The following ASTN2 variants were observed in gnomAD, a reference collection of about 807,000 sequenced individuals.
ASTN2 encodes astrotactin 2, also known as astrotactin-2.
A neutral mutation model predicts 139.8 loss-of-function variants in ASTN2; 54 were observed. The ratio of observed to expected loss-of-function variants is 0.39; its 90% CI spans 0.31 to 0.48. The LOEUF is 0.48. ASTN2 is among the 20% of genes least tolerant of loss of function. The probability of loss-of-function intolerance (pLI) is 0.95; values close to 1 mark genes in which losing one functional copy is unlikely to be tolerated. For missense variants in ASTN2, 1,565 were observed against 1,725.1 expected (o/e 0.91, Z 1.64); for synonymous variants, 756 against 719.5 (o/e 1.05, Z -0.81).
intron 3 of ASTN2, among the ~76,000 whole-genome samples, chr9:117,211,252 C>G (rs770778385): frequency 6.0e-4 from 91 of 151,960 alleles, no homozygotes; most frequent in Non-Finnish European, 1.0e-4. Context: ...ATCTTATTCC[C>G]AGAAAAACCT....
At chr9:117,060,546 GAAAGAAAA>G (rs1839256497) in intron 5 of ASTN2, among the ~76,000 whole-genome samples, 1 of 137,860 alleles carries the variant, frequency 7.3e-6, no homozygotes, top group African/African-American at 2.8e-5. Flanking sequence ...AAGAAAGAAA[GAAAGAAAA>G]AGAAAGAAAG....
intron 19 of ASTN2, among the ~76,000 whole-genome samples, chr9:116,605,761 C>T (rs1215419538): frequency 6.6e-6 from 1 of 152,186 alleles, no homozygotes; most frequent in Non-Finnish European, 1.5e-5. Context: ...TCAAGCCACA[C>T]AAGTGTCCTA....
chr9:117,201,528 G>A (rs1032827755), intron 3 of ASTN2, among the ~76,000 whole-genome samples: 1 of 151,994 alleles, frequency 6.6e-6, no homozygotes, highest in African/African-American at 2.4e-5. Context: ...CAGAGATTCT[G>A]GTATGTTGTC....
At chr9:117,269,206 G>A (rs1422977895) in intron 2 of ASTN2, among the ~76,000 whole-genome samples, 4 of 152,156 alleles carry the variant, frequency 2.6e-5, no homozygotes, top group Admixed American at 2.0e-4. Flanking sequence ...AGCAAAAGAC[G>A]CTAGACCACG....
At chr9:117,168,620 C>G (rs964468331) in intron 3 of ASTN2, among the ~76,000 whole-genome samples, 3 of 152,122 alleles carry the variant, frequency 2.0e-5, no homozygotes, top group Non-Finnish European at 2.9e-5. Flanking sequence ...GACACATATG[C>G]CCTGTAATCA....
intron 1 of ASTN2, among the ~76,000 whole-genome samples, chr9:117,298,029 T>C (rs1479796023): frequency 2.0e-5 from 3 of 152,208 alleles, no homozygotes; most frequent in African/African-American, 7.2e-5. Context: ...CCTTCGGGCT[T>C]CCTTCCTTCC....
At chr9:116,452,511 C>T (rs1166254396) in intron 20 of ASTN2, among the ~76,000 whole-genome samples, 2 of 152,204 alleles carry the variant, frequency 1.3e-5, no homozygotes, top group South Asian at 2.1e-4. Flanking sequence ...AGAGATTCCA[C>T]ACACATTTCC....
At chr9:116,431,456 G>A (rs929621338) in intron 22 of ASTN2, among the ~76,000 whole-genome samples, 5 of 152,078 alleles carry the variant, frequency 3.3e-5, no homozygotes, top group East Asian at 1.9e-4. Context: ...TGGTGTCCTC[G>A]TCGGGCTCCA....
intron 10 of ASTN2, among the ~76,000 whole-genome samples, chr9:116,867,624 C>A (rs933996573): frequency 7.1e-6 from 1 of 140,348 alleles, no homozygotes; most frequent in Non-Finnish European, 1.5e-5. Flanking sequence ...AACAAAGAAA[C>A]AAGGAAAGGG....
intron 11 of ASTN2, among the ~76,000 whole-genome samples, chr9:116,837,287 G>A (rs1273710288): frequency 6.6e-6 from 1 of 152,160 alleles, no homozygotes; most frequent in Non-Finnish European, 1.5e-5. Context: ...AGGTGAGAAA[G>A]CGGGGAGTCT....
intron 19 of ASTN2, among the ~76,000 whole-genome samples, chr9:116,492,695 A>G (rs971693535): frequency 6.6e-6 from 1 of 152,304 alleles, no homozygotes; most frequent in East Asian, 1.9e-4. Context: ...TGAATGTGAT[A>G]TACAGTCCCT....
intron 3 of ASTN2, chr9:117,181,185 G>T: frequency 1.5e-6 from 1 of 662,646 alleles, no homozygotes; most frequent in Non-Finnish European, 2.7e-6. Context: ...AACCCAGTTG[G>T]CTTAATTGGC....
At chr9:116,946,517 C>T (rs1010045293) in intron 10 of ASTN2, among the ~76,000 whole-genome samples, 2 of 152,116 alleles carry the variant, frequency 1.3e-5, no homozygotes, top group Non-Finnish European at 2.9e-5. Context: ...AATTCCTTAG[C>T]TGTACAACTT....
chr9:117,033,448 C>T (rs1588497563), intron 6 of ASTN2, among the ~76,000 whole-genome samples: 1 of 142,214 alleles, frequency 7.0e-6, no homozygotes, highest in African/African-American at 2.9e-5. Context: ...TTAGCAATAA[C>T]TTTATAAGTA....
At chr9:116,851,297 A>T (rs1450506848) in intron 11 of ASTN2, among the ~76,000 whole-genome samples, 1 of 152,178 alleles carries the variant, frequency 6.6e-6, no homozygotes, top group East Asian at 1.9e-4. Flanking sequence ...CAGGGTTACA[A>T]TTGGAAATGG....
intron 13 of ASTN2, among the ~76,000 whole-genome samples, chr9:116,755,174 T>A (rs1255284616): frequency 1.3e-5 from 2 of 152,202 alleles, no homozygotes; most frequent in Non-Finnish European, 2.9e-5. Context: ...AATGATAGGC[T>A]AAATAATGAC....
chr9:117,406,772 GT>G (rs1466102728), intron 1 of ASTN2, among the ~76,000 whole-genome samples: 1 of 151,066 alleles, frequency 6.6e-6, no homozygotes, highest in Non-Finnish European at 1.5e-5. Context: ...TTTTCCCTTA[GT>G]TTTTTCCCTT....
chr9:116,565,393 A>C (rs1166286091), intron 19 of ASTN2, among the ~76,000 whole-genome samples: 9,497 of 39,342 alleles, frequency 0.24, 1,309 homozygotes, highest in Admixed American at 0.27. Flanking sequence ...CTCTCCATAT[A>C]TATATATATA....
intron 11 of ASTN2, among the ~76,000 whole-genome samples, chr9:116,831,536 T>A (rs532035330): frequency 1.3e-5 from 2 of 152,264 alleles, no homozygotes; most frequent in African/African-American, 4.8e-5. Flanking sequence ...CTTTCTCTCA[T>A]AGAATTTACA....
Sources: gnomAD v4.1 joint callset for allele counts (sites outside exome capture counted in the v4.1 genomes callset) on GRCh38, gnomAD v4.1.1 for gene constraint, MANE v1.5 for transcripts, NCBI Gene and HGNC (gene_info 2026-07-23, HGNC 2026-07-21) for gene names.